The following DYNC1I1 variants were observed in gnomAD, a reference collection of about 807,000 sequenced individuals.
The protein encoded by DYNC1I1 is cytoplasmic dynein 1 intermediate chain 1.
DYNC1I1 carries 43 observed loss-of-function variants against 86.6 expected under a neutral mutation model. The observed-to-expected ratio is 0.50, with a 90% confidence interval of 0.39 to 0.64. The LOEUF (loss-of-function observed/expected upper bound fraction) is 0.64. DYNC1I1 is among the 30% of genes least tolerant of loss of function. The pLI is 0.00. For missense variants in DYNC1I1, 604 were observed against 788.8 expected, an observed-to-expected ratio of 0.77 and a Z score of 2.81; for synonymous variants, 262 against 283.7, an observed-to-expected ratio of 0.92 and a Z score of 0.77.
chr7:96,065,307 A>G (rs560192765), intron 14 of DYNC1I1, among the ~76,000 whole-genome samples: 3 of 150,586 alleles, frequency 2.0e-5, no homozygotes, highest in Non-Finnish European at 4.4e-5. Flanking sequence ...TCTCAGCCCA[A>G]ATGCTCAAAA....
intron 10 of DYNC1I1, among the ~76,000 whole-genome samples, chr7:96,022,958 G>A (rs1343489042): frequency 5.3e-5 from 8 of 152,004 alleles, no homozygotes; most frequent in Non-Finnish European, 8.8e-5. Context: ...GACTCATGTC[G>A]TCTTGACCAG....
chr7:95,889,623 CA>C (rs1366919671), intron 6 of DYNC1I1, among the ~76,000 whole-genome samples: 1 of 152,052 alleles, frequency 6.6e-6, no homozygotes, highest in African/African-American at 2.4e-5. Context: ...TTCTGCACAG[CA>C]AAAGAAACCA....
intron 6 of DYNC1I1, among the ~76,000 whole-genome samples, chr7:95,962,283 C>T (rs1237352098): frequency 6.6e-6 from 1 of 152,172 alleles, no homozygotes; most frequent in Non-Finnish European, 1.5e-5. Context: ...TTTCTAGTCT[C>T]AACAGGTCTA....
At chr7:95,925,762 C>T (rs540939589) in intron 6 of DYNC1I1, among the ~76,000 whole-genome samples, 1 of 152,238 alleles carries the variant, frequency 6.6e-6, no homozygotes, top group Admixed American at 6.5e-5. Flanking sequence ...TTGGATCAAA[C>T]CTTCCTTGTT....
chr7:95,975,259 A>G lies in DYNC1I1; in HGVS notation c.491-2253A>G, dbSNP rs183632968. Among the ~76,000 whole-genome samples, 177 of 152,324 alleles carry G rather than the reference A, an allele frequency of 1.2e-3. 1 individual carries two copies. The highest frequency in any genetic ancestry group is 6.6e-3 in the Admixed American group (101 of 15,292). ...ATTAGTTTTCAAGTTTTGCTATAACAAAATACCACAAACTGGCTGTTTAAA... is the reference window on the plus strand; with the variant it reads ...ATTAGTTTTCAAGTTTTGCTATAACGAAATACCACAAACTGGCTGTTTAAA... On this transcript the variant is annotated intron_variant, in intron 6 of 16. Transcript: ENST00000447467.
intron 14 of DYNC1I1, among the ~76,000 whole-genome samples, chr7:96,063,121 GTGTGTGTGTGTA>G (rs919682991): frequency 3.7e-4 from 54 of 144,814 alleles, no homozygotes; most frequent in East Asian, 6.1e-4. Flanking sequence ...GTGTGTGTGT[GTGTGTGTGTGTA>G]TGTGTGTGTT....
intron 10 of DYNC1I1, among the ~76,000 whole-genome samples, chr7:96,021,670 C>T (rs1477284758): frequency 6.6e-6 from 1 of 152,146 alleles, no homozygotes; most frequent in Non-Finnish European, 1.5e-5. Flanking sequence ...ATTCCTCATT[C>T]CTTCCAAGCC....
At chr7:96,046,889 G>C (rs1562984449) in intron 14 of DYNC1I1, among the ~76,000 whole-genome samples, 3 of 152,160 alleles carry the variant, frequency 2.0e-5, no homozygotes, top group East Asian at 3.9e-4. Flanking sequence ...AGTGGTCTGG[G>C]CATGCTTAGA....
intron 5 of DYNC1I1, among the ~76,000 whole-genome samples, chr7:95,836,562 T>C (rs899200025): frequency 1.3e-5 from 2 of 151,740 alleles, no homozygotes; most frequent in African/African-American, 2.4e-5. Context: ...CTGCACAGTG[T>C]TTTCCAACTT....
Position 96,097,605 on chromosome 7 carries a change from C to T in DYNC1I1, c.*12C>T, listed in dbSNP as rs1267944619. The T allele has an allele frequency of 1.9e-6, 3 of 1,613,234 alleles. No homozygotes were observed. The highest frequency in any genetic ancestry group is 1.3e-5 in the African/African-American group (1 of 74,852). ...AGTTATCTGCCTAGTGGAAATGAGC[C>T]ACCCCCACTGCAGCCCCCACCTTTG... On this transcript the variant is annotated 3_prime_UTR_variant, in exon 17 of 17. Transcript: ENST00000447467.
intron 5 of DYNC1I1, among the ~76,000 whole-genome samples, chr7:95,850,324 A>C (rs1300254163): frequency 6.6e-6 from 1 of 152,096 alleles, no homozygotes; most frequent in Non-Finnish European, 1.5e-5. Flanking sequence ...CCTATTGAGT[A>C]TGATGTTTGC....
intron 6 of DYNC1I1, among the ~76,000 whole-genome samples, chr7:95,908,613 C>T (rs987683326): frequency 2.0e-5 from 3 of 152,148 alleles, no homozygotes; most frequent in Admixed American, 2.0e-4. Context: ...AGTCGTCTGG[C>T]CTCTCTGGGT....
chr7:95,938,597 A>C (rs985822506), intron 6 of DYNC1I1, among the ~76,000 whole-genome samples: 3 of 152,168 alleles, frequency 2.0e-5, no homozygotes, highest in Non-Finnish European at 4.4e-5. Context: ...ACCTTGGACA[A>C]GTTATTGATT....
chr7:95,829,386 A>G (rs1036870837), intron 5 of DYNC1I1, among the ~76,000 whole-genome samples: 2 of 152,156 alleles, frequency 1.3e-5, no homozygotes, highest in African/African-American at 4.8e-5. Context: ...ATTCTTGGCT[A>G]TTTAGTTATA....
chr7:95,783,407 T>A (rs1794047149), intron 1 of DYNC1I1, among the ~76,000 whole-genome samples: 1 of 152,196 alleles, frequency 6.6e-6, no homozygotes, highest in African/African-American at 2.4e-5. Context: ...GACTGAGTGC[T>A]TGGTGGGCAC....
chr7:95,943,112 A>G (rs1245282353), intron 6 of DYNC1I1, among the ~76,000 whole-genome samples: 2 of 143,952 alleles, frequency 1.4e-5, no homozygotes, highest in Admixed American at 1.4e-4. Flanking sequence ...ATGATTGTAT[A>G]TCTAGAAAAC....
chr7:95,837,979 A>G (rs997461421), intron 5 of DYNC1I1, among the ~76,000 whole-genome samples: 4 of 152,170 alleles, frequency 2.6e-5, no homozygotes, highest in African/African-American at 9.7e-5. Flanking sequence ...CTATTCGGCC[A>G]TCTTGGCTCC....
intron 10 of DYNC1I1, among the ~76,000 whole-genome samples, chr7:96,002,737 A>T (rs1794041914): frequency 6.6e-6 from 1 of 152,118 alleles, no homozygotes; most frequent in Non-Finnish European, 1.5e-5. Flanking sequence ...TTCAGGCAAC[A>T]GGAGAGTGCT....
Position 95,818,473 on chromosome 7 carries a change from A to ATT in DYNC1I1, c.314+5156_314+5157dup, listed in dbSNP as rs10590197. On this transcript the variant is annotated intron_variant, in intron 4 of 16. Transcript: ENST00000447467. ...CATACCACCACACCCAGCTGATTTAATTTTTTTTTTTTTTTTTTTTTGTAG... is the reference window on the plus strand; with the variant it reads ...CATACCACCACACCCAGCTGATTTAATTTTTTTTTTTTTTTTTTTTTTTGTAG... 4.0e-3 allele frequency: 2,266 copies of ATT among 572,332 alleles called. 8 individuals are homozygous for ATT. The highest frequency in any genetic ancestry group is 0.01 in the South Asian group (481 of 47,812). The allele number at this position is 572,332 out of a possible 1,614,324, so 35.5% of individuals were successfully genotyped here. A position where few individuals can be genotyped will look rare whatever the true frequency, so the allele number is the denominator to read the frequency against.
Sources: gnomAD v4.1 joint callset for allele counts (sites outside exome capture counted in the v4.1 genomes callset) on GRCh38, gnomAD v4.1.1 for gene constraint, MANE v1.5 for transcripts, NCBI Gene and HGNC (gene_info 2026-07-23, HGNC 2026-07-21) for gene names.